RARB: variants seen among roughly 807,000 people sequenced by gnomAD.
RARB encodes HBV-activated protein.
A neutral mutation model predicts 51.9 loss-of-function variants in RARB; 17 were observed. That is an observed-to-expected ratio of 0.33 (90% CI 0.22 to 0.49). RARB has a LOEUF of 0.49. Among genes scored for constraint, RARB ranks in the 20% least tolerant of loss-of-function variants. The probability of loss-of-function intolerance (pLI) is 0.99; values close to 1 mark genes in which losing one functional copy is unlikely to be tolerated. For missense variants in RARB, 369 were observed against 550.8 expected, an observed-to-expected ratio of 0.67 and a Z score of 3.30; for synonymous variants, 215 against 195.4, an observed-to-expected ratio of 1.10 and a Z score of -0.84.
chr3:25,334,123 T>G (rs980558827), intron 5 of RARB, among the ~76,000 whole-genome samples: 1 of 152,204 alleles, frequency 6.6e-6, no homozygotes, highest in Non-Finnish European at 1.5e-5. Context: ...AGTGTGGCGA[T>G]TCCTCAGGGA....
chr3:25,318,599 T>C (rs937298854), intron 5 of RARB, among the ~76,000 whole-genome samples: 5 of 152,186 alleles, frequency 3.3e-5, no homozygotes, highest in Non-Finnish European at 7.4e-5. Context: ...TGGAAATGTA[T>C]GTGTAGGTAA....
upstream of RARB, among the ~76,000 whole-genome samples, chr3:25,427,097 G>C (rs1208190964): frequency 6.6e-6 from 1 of 152,208 alleles, no homozygotes. Context: ...TGTATGATGA[G>C]AGAGGCAACC....
intron 5 of RARB, among the ~76,000 whole-genome samples, chr3:25,311,639 G>A (rs1704292884): frequency 6.6e-6 from 1 of 152,246 alleles, no homozygotes. Context: ...GAAGCAGGGT[G>A]AGGTTTATGC....
intron 5 of RARB, among the ~76,000 whole-genome samples, chr3:25,405,582 C>A (rs1707383282): frequency 6.6e-6 from 1 of 152,154 alleles, no homozygotes; most frequent in South Asian, 2.1e-4. Flanking sequence ...GCCAGGAATG[C>A]CACAGTAAAC....
chr3:24,873,880 C>T (rs1439903036), intron 2 of RARB, among the ~76,000 whole-genome samples: 3 of 151,972 alleles, frequency 2.0e-5, no homozygotes, highest in Admixed American at 6.6e-5. Flanking sequence ...TTAAATTGTA[C>T]AGTTAGCCCT....
At chr3:25,124,272 G>T (rs1699828666) in intron 3 of RARB, among the ~76,000 whole-genome samples, 1 of 152,132 alleles carries the variant, frequency 6.6e-6, no homozygotes, top group African/African-American at 2.4e-5. Context: ...TACTTGGGAG[G>T]CTGAGACAGG....
At chr3:25,019,664 C>T (rs1697586193) in intron 2 of RARB, among the ~76,000 whole-genome samples, 3 of 152,252 alleles carry the variant, frequency 2.0e-5, no homozygotes, top group African/African-American at 7.2e-5. Flanking sequence ...AAAAGACAGA[C>T]AGGTAAGGTG....
At chr3:25,348,033 T>A (rs151317014) in intron 5 of RARB, among the ~76,000 whole-genome samples, 2 of 152,262 alleles carry the variant, frequency 1.3e-5, no homozygotes, top group Non-Finnish European at 2.9e-5. Context: ...AATGCACATT[T>A]TTCACCTGTT....
chr3:25,077,976 C>T (rs1587427), intron 3 of RARB, among the ~76,000 whole-genome samples: 109,549 of 151,916 alleles, frequency 0.72, 40,267 homozygotes, highest in East Asian at 0.83. Flanking sequence ...CTTTTATTCA[C>T]ATTTCTTCTT....
At chr3:25,537,753 C>G (rs1450711478) in intron 3 of RARB, among the ~76,000 whole-genome samples, 1 of 152,192 alleles carries the variant, frequency 6.6e-6, no homozygotes, top group Non-Finnish European at 1.5e-5. Context: ...GTTCATAAAG[C>G]TGAGGACAGA....
At chr3:25,297,371 T>C (rs1332690090) in intron 5 of RARB, among the ~76,000 whole-genome samples, 1 of 151,322 alleles carries the variant, frequency 6.6e-6, no homozygotes. Flanking sequence ...TTCCTGATGT[T>C]GCTTGAAAAA....
chr3:25,471,339 G>A (rs182019245), intron 2 of RARB, among the ~76,000 whole-genome samples: 200 of 152,292 alleles, frequency 1.3e-3, no homozygotes, highest in African/African-American at 4.5e-3. Flanking sequence ...GGCTGTTAGT[G>A]CTTTAAGAAA....
intron 2 of RARB, among the ~76,000 whole-genome samples, chr3:25,463,212 G>C (rs1438509107): frequency 6.6e-6 from 1 of 152,064 alleles, no homozygotes; most frequent in Non-Finnish European, 1.5e-5. Flanking sequence ...AAAGTAATAA[G>C]TGATATAGAT....
intron 2 of RARB, among the ~76,000 whole-genome samples, chr3:25,005,377 G>C (rs1185736023): frequency 6.6e-6 from 1 of 152,150 alleles, no homozygotes; most frequent in Non-Finnish European, 1.5e-5. Flanking sequence ...TTCTCATGAA[G>C]TCACAGACAA....
intron 4 of RARB, among the ~76,000 whole-genome samples, chr3:25,160,997 C>T (rs952451878): frequency 6.6e-6 from 1 of 151,982 alleles, no homozygotes; most frequent in Non-Finnish European, 1.5e-5. Context: ...AATCCAGTAT[C>T]ATCTCCTTTT....
At chr3:25,440,686 T>C (rs977877683) in intron 1 of RARB, among the ~76,000 whole-genome samples, 4 of 151,446 alleles carry the variant, frequency 2.6e-5, no homozygotes, top group African/African-American at 9.7e-5. Context: ...GGCAGGAGAA[T>C]CGCTTGAACC....
At chr3:25,332,876 C>G (rs9755990) in intron 5 of RARB, among the ~76,000 whole-genome samples, 1 of 152,136 alleles carries the variant, frequency 6.6e-6, no homozygotes, top group Non-Finnish European at 1.5e-5. Flanking sequence ...GTCCTATACA[C>G]CAATAACAAA....
chr3:25,438,131 G>A (rs979829158), intron 1 of RARB, among the ~76,000 whole-genome samples: 4 of 152,168 alleles, frequency 2.6e-5, no homozygotes, highest in Non-Finnish European at 4.4e-5. Flanking sequence ...GTTGGTTGTC[G>A]GTGAGAGCTC....
intron 5 of RARB, among the ~76,000 whole-genome samples, chr3:25,298,728 C>T (rs1703973620): frequency 6.6e-6 from 1 of 152,088 alleles, no homozygotes; most frequent in African/African-American, 2.4e-5. Flanking sequence ...TCTCAGCTTC[C>T]CTGAGGGGGT....
Sources: gnomAD v4.1 joint callset for allele counts (sites outside exome capture counted in the v4.1 genomes callset) on GRCh38, gnomAD v4.1.1 for gene constraint, MANE v1.5 for transcripts, NCBI Gene and HGNC (gene_info 2026-07-23, HGNC 2026-07-21) for gene names.